PTPRN2: variants seen among roughly 807,000 people sequenced by gnomAD.
The protein encoded by PTPRN2 is protein tyrosine phosphatase receptor type N2, also known as receptor-type tyrosine-protein phosphatase N2.
In PTPRN2, 74 loss-of-function variants were observed where a neutral mutation model predicts 118.8. The observed-to-expected ratio is 0.62, with a 90% CI of 0.52 to 0.76. PTPRN2 has a LOEUF of 0.76. PTPRN2 is among the 30% of genes least tolerant of loss of function. The pLI is 0.00. For missense variants in PTPRN2, 1,481 were observed against 1,394.4 expected, an observed-to-expected ratio of 1.06 and a Z score of -0.99; for synonymous variants, 641 against 608.0, an observed-to-expected ratio of 1.05 and a Z score of -0.80.
At chr7:157,904,038 G>A (rs1797618098) in intron 11 of PTPRN2, among the ~76,000 whole-genome samples, 1 of 152,204 alleles carries the variant, frequency 6.6e-6, no homozygotes. Flanking sequence ...TGCTGTATCT[G>A]CTGCGTGTCT....
intron 12 of PTPRN2, among the ~76,000 whole-genome samples, chr7:157,879,038 C>T (rs1315137392): frequency 7.0e-6 from 1 of 143,438 alleles, no homozygotes; most frequent in Non-Finnish European, 1.5e-5. Context: ...TACCGTGCAC[C>T]CACAATTACT....
At chr7:158,142,664 T>C (rs1819499855) in intron 6 of PTPRN2, among the ~76,000 whole-genome samples, 1 of 152,192 alleles carries the variant, frequency 6.6e-6, no homozygotes, top group Non-Finnish European at 1.5e-5. Context: ...GCCCTCACCA[T>C]GCATTCACTG....
chr7:158,115,828 A>T (rs1186264214), intron 9 of PTPRN2, among the ~76,000 whole-genome samples: 1 of 152,188 alleles, frequency 6.6e-6, no homozygotes, highest in Non-Finnish European at 1.5e-5. Context: ...CATCAAACAC[A>T]CGGAGTCTGT....
At chr7:158,281,807 C>CA (rs909385312) in intron 3 of PTPRN2, among the ~76,000 whole-genome samples, 1 of 152,248 alleles carries the variant, frequency 6.6e-6, no homozygotes, top group Non-Finnish European at 1.5e-5. Context: ...AGGTCTGAGT[C>CA]AACCATGGGT....
rs994363809 is a variant in PTPRN2 at position 157,844,139 on chromosome 7, C to T, written c.1788+54534G>A. Among the ~76,000 whole-genome samples, 13 of 151,704 alleles carry T rather than the reference C, an allele frequency of 8.6e-5. No homozygotes were observed. The East Asian group carries it at 1.9e-3, about 23-fold the overall frequency. On this transcript the variant is annotated intron_variant, in intron 12 of 22. Coordinates refer to ENST00000389418, the MANE Select transcript of PTPRN2 (RefSeq NM_002847.5). ...GTGTGGAATGCAGGCCCCTCCACGT[C>T]ATGGGTGTGGAACGCAGGCCTTTTG...
intron 17 of PTPRN2, among the ~76,000 whole-genome samples, chr7:157,586,253 C>T (rs898883352): frequency 8.5e-5 from 13 of 152,154 alleles, no homozygotes; most frequent in Admixed American, 5.2e-4. Flanking sequence ...AATCAAGTAA[C>T]GTGCCTTAAA....
chr7:157,655,061 C>T (rs901035428), intron 14 of PTPRN2, among the ~76,000 whole-genome samples: 4 of 152,246 alleles, frequency 2.6e-5, no homozygotes, highest in Admixed American at 1.3e-4. Flanking sequence ...ACAGGTCTGC[C>T]GAGTGAACTC....
Position 157,971,264 on chromosome 7 carries a change from A to C in PTPRN2, c.1724-72527T>G, listed in dbSNP as rs192335181. 1.1e-3 allele frequency among the ~76,000 whole-genome samples: 175 copies of C among 152,342 alleles called. 1 individual carries two copies. The highest frequency in any genetic ancestry group is 3.1e-3 in the Admixed American group (48 of 15,306). Reference sequence around the variant, plus strand: ...ATTTTTGAAGCATCAGACCTTCAATAAAAAAGGTTATTTTTTTCTTATCCA... The same window carrying C: ...ATTTTTGAAGCATCAGACCTTCAATCAAAAAGGTTATTTTTTTCTTATCCA... On this transcript the variant is annotated intron_variant, in intron 11 of 22. Coordinates refer to ENST00000389418, the MANE Select transcript of PTPRN2 (RefSeq NM_002847.5).
intron 12 of PTPRN2, among the ~76,000 whole-genome samples, chr7:157,711,880 G>A (rs567814214): frequency 6.7e-6 from 1 of 149,096 alleles, no homozygotes; most frequent in South Asian, 2.2e-4. Context: ...CCACAACAGG[G>A]TAGACATCAG....
At chr7:157,720,737 T>C (rs543259726) in intron 12 of PTPRN2, among the ~76,000 whole-genome samples, 2 of 152,328 alleles carry the variant, frequency 1.3e-5, no homozygotes, top group South Asian at 2.1e-4. Context: ...CCTCACTCTT[T>C]ATAATAGAAA....
chr7:158,356,445 A>T (rs1808389720), intron 2 of PTPRN2, among the ~76,000 whole-genome samples: 1 of 152,162 alleles, frequency 6.6e-6, no homozygotes, highest in South Asian at 2.1e-4. Flanking sequence ...CTTCAAATTC[A>T]TCAACTCATA....
Position 158,573,390 on chromosome 7 carries a change from T to C in PTPRN2, c.112+14168A>G, listed in dbSNP as rs572677376. 2.0e-5 allele frequency among the ~76,000 whole-genome samples: 3 copies of C among 152,354 alleles called. No individual in the cohort carries two copies. In the South Asian group the frequency reaches 6.2e-4, roughly 32 times the overall value. On this transcript the variant is annotated intron_variant, in intron 1 of 22. Coordinates refer to ENST00000389418, the MANE Select transcript of PTPRN2 (RefSeq NM_002847.5). ...GATTATGTTACTTGTGAAAAGTCAT[T>C]CGTTGGTATCAATTTTAAAAATAAA...
intron 1 of PTPRN2, among the ~76,000 whole-genome samples, chr7:158,553,480 C>G (rs72505578): frequency 0.016 from 2,390 of 151,890 alleles, 68 homozygotes; most frequent in African/African-American, 0.049. Flanking sequence ...GTCTACACCA[C>G]CTTTCCTGTC....
intron 11 of PTPRN2, among the ~76,000 whole-genome samples, chr7:157,912,531 T>A (rs2128762882): frequency 6.6e-6 from 1 of 152,338 alleles, no homozygotes; most frequent in South Asian, 2.1e-4. Flanking sequence ...TTTGCATTTC[T>A]GGCATCTTGT....
chr7:157,832,034 T>C (rs189636176), intron 12 of PTPRN2, among the ~76,000 whole-genome samples: 1 of 152,280 alleles, frequency 6.6e-6, no homozygotes, highest in Admixed American at 6.5e-5. Flanking sequence ...ACCTGGCACC[T>C]CCGCTAATTC....
intron 9 of PTPRN2, among the ~76,000 whole-genome samples, chr7:158,126,618 C>T (rs545725849): frequency 2.5e-4 from 24 of 96,652 alleles, no homozygotes; most frequent in Non-Finnish European, 4.5e-4. Flanking sequence ...GCCACACCAG[C>T]CCCCGGAGAG....
chr7:158,100,274 T>C (rs990176969), intron 10 of PTPRN2, among the ~76,000 whole-genome samples: 25 of 135,544 alleles, frequency 1.8e-4, no homozygotes, highest in Non-Finnish European at 3.3e-4. Flanking sequence ...TGTGTGTGTG[T>C]GTGTGCCACG....
At chr7:157,820,799 C>T (rs954544146) in intron 12 of PTPRN2, among the ~76,000 whole-genome samples, 1 of 152,222 alleles carries the variant, frequency 6.6e-6, no homozygotes, top group Admixed American at 6.5e-5. Context: ...GGAGTTATTC[C>T]TTATTCTCTA....
At chr7:158,145,829 T>C (rs1182646420) in intron 6 of PTPRN2, among the ~76,000 whole-genome samples, 1 of 152,196 alleles carries the variant, frequency 6.6e-6, no homozygotes, top group Non-Finnish European at 1.5e-5. Context: ...CCCTGGGGGA[T>C]GCCAGGCTGG....
Sources: gnomAD v4.1 joint callset for allele counts (sites outside exome capture counted in the v4.1 genomes callset) on GRCh38, gnomAD v4.1.1 for gene constraint, MANE v1.5 for transcripts, NCBI Gene and HGNC (gene_info 2026-07-23, HGNC 2026-07-21) for gene names.